The following CACNA2D3 variants were observed in gnomAD, a reference collection of about 807,000 sequenced individuals.
CACNA2D3 encodes voltage-dependent calcium channel subunit alpha-2/delta-3.
In CACNA2D3, 60 loss-of-function variants were observed where a neutral mutation model predicts 160.6. The ratio of observed to expected loss-of-function variants is 0.37; its 90% CI spans 0.30 to 0.46. The LOEUF (loss-of-function observed/expected upper bound fraction) is 0.46. Ranked by LOEUF, CACNA2D3 falls within the 20% of genes least tolerant of loss-of-function variation. The pLI is 1.00. For synonymous variants in CACNA2D3, 558 were observed against 492.9 expected (o/e 1.13, Z -1.75); for missense variants, 1,205 against 1,365.0 (o/e 0.88, Z 1.85).
chr3:54,573,694 A>G (rs1702535403), intron 8 of CACNA2D3, among the ~76,000 whole-genome samples: 1 of 152,194 alleles, frequency 6.6e-6, no homozygotes, highest in Admixed American at 6.5e-5. Context: ...ACACACAGGC[A>G]CCTACCAGAA....
At chr3:54,921,147 G>A (rs1335936389) in intron 27 of CACNA2D3, among the ~76,000 whole-genome samples, 4 of 152,144 alleles carry the variant, frequency 2.6e-5, no homozygotes, top group Non-Finnish European at 5.9e-5. Context: ...GCTCCAGCTT[G>A]CCAAGCACTC....
chr3:54,386,807 G>A (rs769116896), intron 4 of CACNA2D3, 33 bp downstream of exon 4: 1 of 1,545,766 alleles, frequency 6.5e-7, no homozygotes, highest in Admixed American at 1.9e-5. Flanking sequence ...AAATTGTTTT[G>A]TGTGTTTCCT....
intron 16 of CACNA2D3, among the ~76,000 whole-genome samples, chr3:54,846,060 A>T (rs1432925154): frequency 1.3e-5 from 2 of 152,212 alleles, no homozygotes; most frequent in Non-Finnish European, 2.9e-5. Flanking sequence ...GCACTTGGAC[A>T]TAGGGTCTTT....
chr3:54,211,544 C>A (rs968463737), intron 2 of CACNA2D3, among the ~76,000 whole-genome samples: 4 of 152,162 alleles, frequency 2.6e-5, no homozygotes, highest in African/African-American at 4.8e-5. Flanking sequence ...GCAGTTAATA[C>A]CCCTACCTTG....
intron 5 of CACNA2D3, among the ~76,000 whole-genome samples, chr3:54,510,232 G>A (rs1207802481): frequency 2.0e-5 from 3 of 152,030 alleles, no homozygotes; most frequent in Non-Finnish European, 4.4e-5. Flanking sequence ...ATGGATGGAT[G>A]GATGAATGGA....
intron 2 of CACNA2D3, among the ~76,000 whole-genome samples, chr3:54,144,452 C>T (rs1699989802): frequency 6.6e-6 from 1 of 152,244 alleles, no homozygotes; most frequent in African/African-American, 2.4e-5. Context: ...TCCATTCTCG[C>T]TGCCCTGTGT....
chr3:54,858,465 TG>T (rs770545639), intron 17 of CACNA2D3, among the ~76,000 whole-genome samples: 1 of 152,202 alleles, frequency 6.6e-6, no homozygotes, highest in Admixed American at 6.5e-5. Context: ...GACAGCCTGC[TG>T]GGGGGAGAGA....
chr3:54,130,014 C>T (rs1699677110), intron 2 of CACNA2D3, among the ~76,000 whole-genome samples: 1 of 152,180 alleles, frequency 6.6e-6, no homozygotes, highest in South Asian at 2.1e-4. Flanking sequence ...ATTTGTTCAG[C>T]GTCTGGAATT....
At chr3:54,813,683 A>C (rs898070694) in intron 13 of CACNA2D3, among the ~76,000 whole-genome samples, 1 of 152,024 alleles carries the variant, frequency 6.6e-6, no homozygotes, top group African/African-American at 2.4e-5. Context: ...CTTCACACGT[A>C]CATATGGGGA....
intron 8 of CACNA2D3, among the ~76,000 whole-genome samples, chr3:54,581,388 CAT>C (rs1443159873): frequency 2.6e-5 from 4 of 152,184 alleles, no homozygotes; most frequent in Admixed American, 6.5e-5. Context: ...GTAAGCCACA[CAT>C]GTGTCCCTTG....
At chr3:54,588,716 A>G (rs9810700) in intron 9 of CACNA2D3, among the ~76,000 whole-genome samples, 15,073 of 152,056 alleles carry the variant, frequency 0.099, 2,460 homozygotes, top group African/African-American at 0.34. Flanking sequence ...ATTGTTCCAA[A>G]GAAATAAGCC....
intron 35 of CACNA2D3, among the ~76,000 whole-genome samples, chr3:55,019,029 T>C (rs1237789633): frequency 1.3e-5 from 2 of 150,198 alleles, no homozygotes; most frequent in Admixed American, 6.6e-5. Context: ...GCAGTCCTCC[T>C]GTCTCAGCCT....
intron 35 of CACNA2D3, among the ~76,000 whole-genome samples, chr3:55,031,739 C>T (rs927276573): frequency 2.6e-5 from 4 of 152,142 alleles, no homozygotes; most frequent in Admixed American, 2.0e-4. Flanking sequence ...CGGCTAATGA[C>T]AAAGGTTCTT....
At chr3:54,646,054 G>C (rs1261147929) in intron 11 of CACNA2D3, among the ~76,000 whole-genome samples, 1 of 151,798 alleles carries the variant, frequency 6.6e-6, no homozygotes. Context: ...TTTGTTTCAA[G>C]TCAGTTGATT....
At chr3:54,165,858 T>A (rs1468626386) in intron 2 of CACNA2D3, among the ~76,000 whole-genome samples, 1 of 152,036 alleles carries the variant, frequency 6.6e-6, no homozygotes, top group Non-Finnish European at 1.5e-5. Flanking sequence ...TCCCTCTTTG[T>A]CCCCTAGTCA....
intron 2 of CACNA2D3, among the ~76,000 whole-genome samples, chr3:54,159,871 C>A (rs1700311559): frequency 6.6e-6 from 1 of 152,102 alleles, no homozygotes; most frequent in African/African-American, 2.4e-5. Flanking sequence ...GAAATCACAA[C>A]ACATTATTTA....
chr3:55,028,338 G>T (rs1346613208), intron 35 of CACNA2D3, among the ~76,000 whole-genome samples: 1 of 152,140 alleles, frequency 6.6e-6, no homozygotes, highest in Non-Finnish European at 1.5e-5. Flanking sequence ...AAGAAAATAA[G>T]AATTTACATA....
rs1559473429 is a variant in CACNA2D3, at chr3:55,049,263, C to T, written c.2988-24182C>T. On this transcript the variant is annotated intron_variant, in intron 35 of 37. Transcript: ENST00000474759. ...TTAGTGCTATAAATTTCCCTCTACA[C>T]ACTGCTTTGAATGCGTCCCAGAGAT... Among the ~76,000 whole-genome samples, 3 of 148,500 alleles carry T rather than the reference C, an allele frequency of 2.0e-5. No individual in the cohort carries two copies. In the East Asian group the frequency reaches 5.9e-4, roughly 29 times the overall value.
At chr3:54,729,903 G>C (rs1194049876) in intron 11 of CACNA2D3, among the ~76,000 whole-genome samples, 2 of 150,776 alleles carry the variant, frequency 1.3e-5, no homozygotes, top group East Asian at 3.9e-4. Flanking sequence ...GGAGGCTAAG[G>C]CAGGAGAATG....
Sources: allele counts gnomAD v4.1 joint callset (sites outside exome capture counted in the v4.1 genomes callset), GRCh38; gene constraint gnomAD v4.1.1; transcripts MANE v1.5; gene names NCBI Gene and HGNC (gene_info 2026-07-23, HGNC 2026-07-21).